The following CPED1 variants were observed in gnomAD, a reference collection of about 807,000 sequenced individuals.
CPED1 encodes cadherin like and PC-esterase domain containing 1.
Under a neutral mutation model 128.2 loss-of-function variants are expected in CPED1, and 114 were observed. The observed-to-expected ratio is 0.89, with a 90% CI of 0.76 to 1.04. The LOEUF (loss-of-function observed/expected upper bound fraction) is 1.04, where lower values mean the gene tolerates loss of function less well. Among genes scored for constraint, CPED1 ranks in the 50% least tolerant of loss-of-function variants. CPED1 has a pLI of 0.00. For synonymous variants in CPED1, 462 were observed against 426.7 expected (o/e 1.08, Z -1.02); for missense variants, 1,211 against 1,207.1 (o/e 1.00, Z -0.05).
intron 22 of CPED1, among the ~76,000 whole-genome samples, chr7:121,279,220 T>C (rs1541508): frequency 0.24 from 36,175 of 151,828 alleles, 4,981 homozygotes; most frequent in Non-Finnish European, 0.32. Context: ...TGACCCAGTT[T>C]TTCCCCAGCA....
In CPED1 at chr7:121,199,617, C is replaced by T. The variant is rs1782789814; in HGVS notation, c.2056-37097C>T. On this transcript the variant is annotated intron_variant, in intron 16 of 22. Coordinates refer to ENST00000310396, the MANE Select transcript of CPED1 (RefSeq NM_024913.5). ...GCTTGAACCTGGGAGCTAGAGGTTG[C>T]AGTGATCCGAGATCATGCCACTGCA... 2.2e-5 allele frequency among the ~76,000 whole-genome samples: 3 copies of T among 133,798 alleles called. No individual in the cohort carries two copies. The South Asian group carries it at 7.3e-4, about 33-fold the overall frequency. 87.8% of individuals were successfully genotyped at this position (133,798 alleles called of 152,430 possible).
intron 16 of CPED1, among the ~76,000 whole-genome samples, chr7:121,154,157 C>T (rs1025116903): frequency 2.0e-5 from 3 of 152,180 alleles, no homozygotes; most frequent in Non-Finnish European, 4.4e-5. Flanking sequence ...GCAGTGAGCT[C>T]AAGTGTTGCA....
At chr7:121,222,498 A>G (rs1797905461) in intron 16 of CPED1, among the ~76,000 whole-genome samples, 3 of 152,160 alleles carry the variant, frequency 2.0e-5, no homozygotes, top group Admixed American at 2.0e-4. Flanking sequence ...GAAGAAAGTC[A>G]TTGGTAGCCT....
chr7:121,263,200 T>C (rs958178552), intron 18 of CPED1, among the ~76,000 whole-genome samples: 1 of 152,042 alleles, frequency 6.6e-6, no homozygotes, highest in African/African-American at 2.4e-5. Flanking sequence ...TCTGAGAGCA[T>C]TGGTTTGCTC....
At chr7:121,064,142 A>C (rs1205647384) in intron 4 of CPED1, 96 bp from the exon 5 acceptor site, 1 of 794,376 alleles carries the variant, frequency 1.3e-6, no homozygotes, top group Non-Finnish European at 2.2e-6. Flanking sequence ...TAGACAGTGC[A>C]TCCCATCTAT....
At chr7:121,261,666 G>A (rs62621839) in intron 18 of CPED1, 24,962 of 1,610,782 alleles carry the variant, frequency 0.015, 244 homozygotes, top group Non-Finnish European at 0.018. Context: ...CCTAGAAGCC[G>A]TAATTGAAGA....
chr7:121,289,162 C>T (rs1423096672), intron 22 of CPED1, among the ~76,000 whole-genome samples: 2 of 152,166 alleles, frequency 1.3e-5, no homozygotes, highest in East Asian at 3.9e-4. Flanking sequence ...CTACAACCTC[C>T]TGATTTCACT....
intron 18 of CPED1, among the ~76,000 whole-genome samples, chr7:121,260,149 T>C (rs1053240632): frequency 2.0e-5 from 3 of 150,460 alleles, no homozygotes; most frequent in Non-Finnish European, 4.4e-5. Flanking sequence ...ATAATGGCAA[T>C]GTAGACAAAT....
chr7:121,046,362 A>G (rs1054249106), intron 3 of CPED1, among the ~76,000 whole-genome samples: 1 of 152,068 alleles, frequency 6.6e-6, no homozygotes, highest in Non-Finnish European at 1.5e-5. Context: ...CTCTATTACA[A>G]CACTTTCTTT....
intron 7 of CPED1, among the ~76,000 whole-genome samples, chr7:121,119,872 T>C (rs1795345424): frequency 6.6e-6 from 1 of 152,168 alleles, no homozygotes; most frequent in South Asian, 2.1e-4. Flanking sequence ...TCTGTTTTTA[T>C]ACATTTGACT....
chr7:121,195,652 AG>A (rs1797255413), intron 16 of CPED1, among the ~76,000 whole-genome samples: 1 of 152,198 alleles, frequency 6.6e-6, no homozygotes, highest in African/African-American at 2.4e-5. Context: ...ATAACCACTA[AG>A]GGAATAGGGA....
chr7:121,261,310 A>G (rs892403864), intron 18 of CPED1, among the ~76,000 whole-genome samples: 1 of 152,138 alleles, frequency 6.6e-6, no homozygotes. Flanking sequence ...CCTTTCAGGC[A>G]TCACACAAAG....
chr7:121,105,563 C>T (rs527460482), intron 7 of CPED1, among the ~76,000 whole-genome samples: 50 of 152,118 alleles, frequency 3.3e-4, no homozygotes, highest in African/African-American at 9.4e-4. Flanking sequence ...AAAGAGTTGA[C>T]GTATTACTTA....
At chr7:121,037,524 C>T (rs1312853227) in intron 3 of CPED1, among the ~76,000 whole-genome samples, 2 of 152,062 alleles carry the variant, frequency 1.3e-5, no homozygotes, top group Non-Finnish European at 1.5e-5. Flanking sequence ...TAGTACCATG[C>T]CATTTTGGTG....
chr7:121,265,972 A>T (rs369983589), intron 18 of CPED1, among the ~76,000 whole-genome samples: 1 of 152,080 alleles, frequency 6.6e-6, no homozygotes, highest in Non-Finnish European at 1.5e-5. Flanking sequence ...AGATAGAAAA[A>T]TTGAAGATAA....
chr7:121,009,663 C>T (rs1792112867), intron 2 of CPED1, among the ~76,000 whole-genome samples: 1 of 138,512 alleles, frequency 7.2e-6, no homozygotes, highest in East Asian at 2.2e-4. Context: ...GACTAAAGAA[C>T]TAATAAATTT....
chr7:121,240,138 G>GGCTTCC (rs1798356006), intron 17 of CPED1, among the ~76,000 whole-genome samples: 1 of 152,188 alleles, frequency 6.6e-6, no homozygotes, highest in Non-Finnish European at 1.5e-5. Flanking sequence ...CTGGGGCCAA[G>GGCTTCC]TTTTCAGAGA....
chr7:121,068,558 A>T (rs1345102861), intron 5 of CPED1, among the ~76,000 whole-genome samples: 3 of 151,194 alleles, frequency 2.0e-5, no homozygotes, highest in Non-Finnish European at 4.4e-5. Flanking sequence ...TGATGCCTCC[A>T]GCTTTGTTCT....
chr7:121,163,046 A>G (rs1159744105), intron 16 of CPED1, among the ~76,000 whole-genome samples: 1 of 152,226 alleles, frequency 6.6e-6, no homozygotes, highest in East Asian at 1.9e-4. Context: ...GGAAACAAAG[A>G]ACAAAGTCTA....
Sources: allele counts gnomAD v4.1 joint callset (sites outside exome capture counted in the v4.1 genomes callset), GRCh38; gene constraint gnomAD v4.1.1; transcripts MANE v1.5; gene names NCBI Gene and HGNC (gene_info 2026-07-23, HGNC 2026-07-21).